TRIM5: variants seen among roughly 807,000 people sequenced by gnomAD.
The protein encoded by TRIM5 is tripartite motif-containing protein 5.
TRIM5 carries 31 observed loss-of-function variants against 35.6 expected under a neutral mutation model. That is an observed-to-expected ratio of 0.87 (90% CI 0.65 to 1.18). TRIM5 has a LOEUF of 1.18. TRIM5 is among the 50% of genes most tolerant of loss of function. The pLI is 0.00. For synonymous variants in TRIM5, 243 were observed against 215.6 expected (o/e 1.13, Z -1.11); for missense variants, 609 against 591.6 (o/e 1.03, Z -0.31).
Position 5,663,616 on chromosome 11 carries a change from G to GT in TRIM5, c.*1192dup. The GT allele has an allele frequency of 1.1e-6, 1 of 945,378 alleles. No individual in the cohort carries two copies. Among genetic ancestry groups the GT allele is most frequent in the Non-Finnish European group, 1.3e-6 (1 of 793,380 alleles). The allele number at this position is 945,378 out of a possible 1,614,324, so 58.6% of individuals were successfully genotyped here. A position where few individuals can be genotyped will look rare whatever the true frequency, so the allele number is the denominator to read the frequency against. On this transcript the variant is annotated 3_prime_UTR_variant, in exon 8 of 8. Transcript: ENST00000380034. ...CAATGATCCAAAGTATTAGATGAAG[G>GT]TTTTTTGTTTTATTTTGCTTTTAAT... is the stretch of plus-strand genomic sequence containing the variant.
the TRIM5 span, chr11:5,655,573 T>C: frequency 1.1e-6 from 1 of 872,718 alleles, no homozygotes; most frequent in South Asian, 5.3e-5. Context: ...TAAGAAACAT[T>C]CATTTCTTGG....
the TRIM5 span, among the ~76,000 whole-genome samples, chr11:5,602,203 G>A: frequency 6.6e-6 from 1 of 152,188 alleles, no homozygotes; most frequent in African/African-American, 2.4e-5. Context: ...CCCTTTGGGA[G>A]GCCAAGGCGG....
rs756102511 is a variant in TRIM5 at position 5,678,292 on chromosome 11, G to A, written c.656C>T (p.Thr219Ile). The A allele has an allele frequency of 6.2e-7, 1 of 1,614,130 alleles. No homozygotes were observed. The highest frequency in any genetic ancestry group is 8.5e-7 in the Non-Finnish European group (1 of 1,180,000). ...GGACTGGGTCTGCTGCACCATCTCA[G>A]TTTCAGAGTTCGTAAGGCTTTTCAG... ...DILKSLTNSE[T>I]EMVQQTQSLR... The change falls in exon 4 of 8, where the codon ACT (threonine) becomes ATT (isoleucine). Residue 219 changes from threonine to isoleucine, a missense_variant. Transcript: ENST00000380034.
the TRIM5 span, among the ~76,000 whole-genome samples, chr11:5,617,574 C>T: frequency 1.8e-3 from 247 of 138,632 alleles, 22 homozygotes; most frequent in Middle Eastern, 0.016. Context: ...CTGCAACCTT[C>T]GCCTCCCAGG....
the TRIM5 span, chr11:5,645,963 ATG>A: frequency 6.4e-6 from 1 of 155,860 alleles, no homozygotes; most frequent in African/African-American, 2.5e-5. Context: ...GTATATTAAT[ATG>A]TGTATGTATT....
intron 6 of TRIM5, 106 bp downstream of exon 6, chr11:5,665,875 T>C (rs1590224807): frequency 7.8e-7 from 1 of 1,286,148 alleles, no homozygotes; most frequent in Non-Finnish European, 1.1e-6. Flanking sequence ...ATATCTATCC[T>C]CCCCTATCCC....
Position 5,666,083 on chromosome 11 carries a change from T to C in TRIM5, c.768-2A>G. Reference sequence around the variant, plus strand: ...TTCTTCAAGGTCACGTTCTCCGTCCTAAGAATTAAAAAAAAAAAAAAAAAC... The same window carrying C: ...TTCTTCAAGGTCACGTTCTCCGTCCCAAGAATTAAAAAAAAAAAAAAAAAC... On this transcript the variant is annotated splice_acceptor_variant, in intron 5 of 7. Coordinates refer to ENST00000380034, the MANE Select transcript of TRIM5 (RefSeq NM_033034.3). LOFTEE classifies it high-confidence loss of function. 1 of 1,471,842 alleles carries C rather than the reference T, an allele frequency of 6.8e-7. No individual in the cohort carries two copies. The highest frequency in any genetic ancestry group is 9.2e-7 in the Non-Finnish European group (1 of 1,088,522). The allele number at this position is 1,471,842 out of a possible 1,614,324, so 91.2% of individuals were successfully genotyped here. A position where few individuals can be genotyped will look rare whatever the true frequency, so the allele number is the denominator to read the frequency against.
chr11:5,610,352 G>A, the TRIM5 span: 1 of 1,568,448 alleles, frequency 6.4e-7, no homozygotes, highest in South Asian at 1.1e-5. Context: ...CAAAGAGGGA[G>A]GTCCCAGAGG....
the TRIM5 span, among the ~76,000 whole-genome samples, chr11:5,637,155 A>G: frequency 0.067 from 6,213 of 92,810 alleles, 413 homozygotes; most frequent in African/African-American, 0.2. Context: ...CCTGGGCGAC[A>G]GAGCGAGACT....
At chr11:5,618,537 T>C in the TRIM5 span, among the ~76,000 whole-genome samples, 1 of 152,212 alleles carries the variant, frequency 6.6e-6, no homozygotes, top group African/African-American at 2.4e-5. Context: ...AACTTTAAGT[T>C]GAAAGCTTAT....
chr11:5,657,242 A>G, the TRIM5 span, among the ~76,000 whole-genome samples: 1 of 151,986 alleles, frequency 6.6e-6, no homozygotes, highest in African/African-American at 2.4e-5. Flanking sequence ...GTTCTCACTT[A>G]TAAGTGGGAG....
chr11:5,682,925 C>T (rs1427146513), intron 1 of TRIM5, among the ~76,000 whole-genome samples: 1 of 152,230 alleles, frequency 6.6e-6, no homozygotes, highest in Non-Finnish European at 1.5e-5. Context: ...CTGGCTCCCT[C>T]AGCTTGCAGG....
chr11:5,642,280 C>T, the TRIM5 span: 3 of 763,256 alleles, frequency 3.9e-6, no homozygotes, highest in Non-Finnish European at 6.2e-6. Context: ...TCCCTTCTCC[C>T]CCTCCTCAGG....
chr11:5,608,542 C>T, the TRIM5 span: 1 of 1,306,800 alleles, frequency 7.7e-7, no homozygotes, highest in Non-Finnish European at 1.0e-6. Context: ...TTTGGCATCC[C>T]CAAATAAAGG....
intron 4 of TRIM5, among the ~76,000 whole-genome samples, chr11:5,675,202 G>T (rs1207072183): frequency 6.6e-6 from 1 of 151,028 alleles, no homozygotes; most frequent in Non-Finnish European, 1.5e-5. Flanking sequence ...CTAATTTTTT[G>T]TATTATTTTT....
chr11:5,648,856 A>G, the TRIM5 span, among the ~76,000 whole-genome samples: 1 of 152,248 alleles, frequency 6.6e-6, no homozygotes, highest in South Asian at 2.1e-4. Context: ...TCTTTGATTT[A>G]TTCAACCAAT....
chr11:5,662,538 C>T (rs1850866065), downstream of TRIM5, among the ~76,000 whole-genome samples: 1 of 152,180 alleles, frequency 6.6e-6, no homozygotes, highest in Non-Finnish European at 1.5e-5. Context: ...TTATCTGCAT[C>T]ACTGTGCAAA....
chr11:5,643,671 T>C, the TRIM5 span: 1 of 1,611,910 alleles, frequency 6.2e-7, no homozygotes, highest in African/African-American at 1.3e-5. Flanking sequence ...TCCTTGGAAC[T>C]GTCCAGCTCC....
the TRIM5 span, chr11:5,610,556 A>G: frequency 2.4e-5 from 38 of 1,613,486 alleles, no homozygotes; most frequent in Non-Finnish European, 3.0e-5. Context: ...GTCCAAAGCT[A>G]CTGGGGTAAG....
Sources: allele counts gnomAD v4.1 joint callset (sites outside exome capture counted in the v4.1 genomes callset), GRCh38; gene constraint gnomAD v4.1.1; transcripts MANE v1.5; gene names NCBI Gene and HGNC (gene_info 2026-07-23, HGNC 2026-07-21).